Variants in ITSN2 observed in about 807,000 individuals in gnomAD.
The protein encoded by ITSN2 is intersectin 2.
ITSN2 carries 156 observed loss-of-function variants against 243.7 expected under a neutral mutation model. The ratio of observed to expected loss-of-function variants is 0.64; its 90% CI spans 0.56 to 0.73. The LOEUF (loss-of-function observed/expected upper bound fraction) is 0.73, where lower values mean the gene tolerates loss of function less well. Ranked by LOEUF, ITSN2 falls within the 30% of genes least tolerant of loss-of-function variation. ITSN2 has a pLI of 0.00. For missense variants in ITSN2, 1,801 were observed against 1,996.1 expected (o/e 0.90, Z 1.86); for synonymous variants, 703 against 699.9 (o/e 1.00, Z -0.07).
At chr2:24,240,793 T>C (rs1238239231) in intron 29 of ITSN2, 1 of 152,272 alleles carries the variant, frequency 6.6e-6, no homozygotes, top group African/African-American at 2.4e-5. Flanking sequence ...GCACTGCAGT[T>C]TGTAAACATT....
At chr2:24,208,919 T>C (rs1669202499) in intron 36 of ITSN2, among the ~76,000 whole-genome samples, 181 bp downstream of exon 36, 1 of 152,016 alleles carries the variant, frequency 6.6e-6, no homozygotes, top group South Asian at 2.1e-4. Flanking sequence ...GGAAGCATGT[T>C]AGGAGGCAGC....
At chr2:24,288,840 C>T (rs1231581960) in intron 15 of ITSN2, among the ~76,000 whole-genome samples, 2 of 152,130 alleles carry the variant, frequency 1.3e-5, no homozygotes, top group African/African-American at 4.8e-5. Flanking sequence ...CTCTCACCAG[C>T]CCTGGTAGCC....
chr2:24,310,418 T>C, intron 6 of ITSN2, 38 bp from the exon 7 acceptor site: 1 of 1,606,600 alleles, frequency 6.2e-7, no homozygotes, highest in East Asian at 2.2e-5. Context: ...GAAAGAAATT[T>C]GTATCTGTTC....
chr2:24,314,461 T>C (rs1196785708), intron 3 of ITSN2, among the ~76,000 whole-genome samples: 2 of 152,198 alleles, frequency 1.3e-5, no homozygotes, highest in African/African-American at 4.8e-5. Context: ...CGTCTCTTAG[T>C]CTCAGTTTCA....
At chr2:24,308,204 A>G (rs1011693179) in intron 8 of ITSN2, among the ~76,000 whole-genome samples, 3 of 152,222 alleles carry the variant, frequency 2.0e-5, no homozygotes, top group African/African-American at 7.2e-5. Flanking sequence ...AGGGTGAGCA[A>G]TGCTCACTTG....
chr2:24,284,892 T>G, intron 16 of ITSN2, 49 bp from the exon 17 acceptor site: 1 of 165,382 alleles, frequency 6.0e-6, no homozygotes, highest in Non-Finnish European at 1.1e-5. Flanking sequence ...TACAGAATTT[T>G]TTTTTTTTTT....
intron 11 of ITSN2, 121 bp downstream of exon 11, chr2:24,301,033 G>GT (rs1205100460): frequency 1.9e-6 from 1 of 535,224 alleles, no homozygotes; most frequent in Non-Finnish European, 3.3e-6. Context: ...CTATCAAATA[G>GT]TTTTTTCTCA....
In ITSN2 at chr2:24,245,477, C is replaced by CT. The variant is rs1211938107; in HGVS notation, c.3577+651dup. 8.4e-3 allele frequency among the ~76,000 whole-genome samples: 1,219 copies of CT among 144,836 alleles called. 8 individuals are homozygous for CT. The highest frequency in any genetic ancestry group is 0.023 in the African/African-American group (905 of 39,872). On this transcript the variant is annotated intron_variant, in intron 29 of 39. Transcript: ENST00000355123. ...AGGTGAATAGGGTAATTGCTGGCTA[C>CT]TTTTTTTTTTTTTTCTCTTGAGACA...
At chr2:24,321,040 G>A (rs916001343) in intron 2 of ITSN2, among the ~76,000 whole-genome samples, 1 of 152,218 alleles carries the variant, frequency 6.6e-6, no homozygotes, top group African/African-American at 2.4e-5. Context: ...AAACAAGGGA[G>A]AGGAACCCTT....
chr2:24,311,729 A>C (rs1268335771), intron 5 of ITSN2: 1 of 167,188 alleles, frequency 6.0e-6, no homozygotes, highest in Non-Finnish European at 1.5e-5. Flanking sequence ...TTATTAGCCC[A>C]AAGTCTGCAA....
At chr2:24,235,387 GTA>G (rs1325492155) in intron 29 of ITSN2, among the ~76,000 whole-genome samples, 2 of 151,792 alleles carry the variant, frequency 1.3e-5, no homozygotes, top group African/African-American at 4.9e-5. Flanking sequence ...AAAATACTCT[GTA>G]TGATACTGTG....
At chr2:24,237,960 G>T (rs1672346353) in intron 29 of ITSN2, among the ~76,000 whole-genome samples, 1 of 152,024 alleles carries the variant, frequency 6.6e-6, no homozygotes, top group Admixed American at 6.6e-5. Flanking sequence ...ATAGTTCCTG[G>T]CTCTGTATTT....
chr2:24,262,760 T>C (rs1407468465), intron 20 of ITSN2, among the ~76,000 whole-genome samples: 1 of 152,220 alleles, frequency 6.6e-6, no homozygotes, highest in East Asian at 1.9e-4. Context: ...ACTTGCAAGA[T>C]ATCTTCAAGT....
chr2:24,272,424 C>CTTTTTTTTT (rs528083155), intron 18 of ITSN2, among the ~76,000 whole-genome samples: 1 of 123,432 alleles, frequency 8.1e-6, no homozygotes, highest in Non-Finnish European at 1.7e-5. Context: ...AAACAACCTA[C>CTTTTTTTTT]TTTTTTTTTT....
At position 24,286,272 on chromosome 2, in the gene ITSN2, A is replaced by G. The variant is rs377688481; in HGVS notation, c.1803T>C (p.Ala601=). ...GCTTAGATGCAGTTTCTTTTTCAAGAGCATCTAACTGTTCTTTAAGTCTTT... is the reference window on the plus strand; with the variant it reads ...GCTTAGATGCAGTTTCTTTTTCAAGGGCATCTAACTGTTCTTTAAGTCTTT... ...LCQRLKEQLD[A]LEKETASKLS... Residue 601 remains alanine, a synonymous_variant, in exon 16 of 40, where the codon GCT becomes GCC. Transcript: ENST00000355123. 1.2e-6 allele frequency: 2 copies of G among 1,603,222 alleles called. No individual in the cohort carries two copies. Among genetic ancestry groups the G allele is most frequent in the Non-Finnish European group, 1.7e-6 (2 of 1,171,114 alleles).
chr2:24,296,422 G>A (rs1428513521), intron 13 of ITSN2, among the ~76,000 whole-genome samples: 1 of 152,192 alleles, frequency 6.6e-6, no homozygotes, highest in Non-Finnish European at 1.5e-5. Flanking sequence ...CCAAGCCCCA[G>A]TACCTCAGAA....
At chr2:24,306,595 C>A (rs1393794557) in intron 8 of ITSN2, among the ~76,000 whole-genome samples, 1 of 152,114 alleles carries the variant, frequency 6.6e-6, no homozygotes, top group Non-Finnish European at 1.5e-5. Flanking sequence ...TTTATCTATT[C>A]TCCTGTCGAT....
intron 16 of ITSN2, among the ~76,000 whole-genome samples, chr2:24,285,154 C>CA (rs1172164854): frequency 1.3e-5 from 2 of 152,118 alleles, no homozygotes; most frequent in South Asian, 2.1e-4. Context: ...CTCAGCCTCT[C>CA]AAAGTGCTGG....
intron 31 of ITSN2, among the ~76,000 whole-genome samples, chr2:24,217,053 T>C (rs1395295502): frequency 7.1e-5 from 10 of 139,910 alleles, no homozygotes; most frequent in African/African-American, 2.5e-4. Context: ...CACTGCACTC[T>C]AGCCTGGGTG....
Sources: gnomAD v4.1 joint callset for allele counts (sites outside exome capture counted in the v4.1 genomes callset) on GRCh38, gnomAD v4.1.1 for gene constraint, MANE v1.5 for transcripts, NCBI Gene and HGNC (gene_info 2026-07-23, HGNC 2026-07-21) for gene names.